The following WDR7 variants were observed in gnomAD, a reference collection of about 807,000 sequenced individuals.
WDR7 encodes the protein WD repeat domain 7, also known as WD repeat-containing protein 7.
A neutral mutation model predicts 169.4 loss-of-function variants in WDR7; 46 were observed. The ratio of observed to expected loss-of-function variants is 0.27; its 90% CI spans 0.21 to 0.35. The LOEUF (loss-of-function observed/expected upper bound fraction) is 0.35. Ranked by LOEUF, WDR7 falls within the 10% of genes least tolerant of loss-of-function variation. WDR7 has a pLI of 1.00. For synonymous variants in WDR7, 612 were observed against 666.8 expected (o/e 0.92, Z 1.27); for missense variants, 1,534 against 1,859.3 (o/e 0.83, Z 3.22).
At chr18:56,792,765 AACACAC>A (rs10551903) in intron 19 of WDR7, among the ~76,000 whole-genome samples, 23 of 147,776 alleles carry the variant, frequency 1.6e-4, no homozygotes, top group South Asian at 1.3e-3. Flanking sequence ...TATTTTCTTT[AACACAC>A]ACACACACAC....
Position 56,756,781 on chromosome 18 carries a change from G to A in WDR7, c.2188G>A (p.Gly730Arg), listed in dbSNP as rs748522317. The change falls in exon 15 of 28, where the codon GGG (glycine) becomes AGG (arginine). Residue 730 changes from glycine to arginine, a missense_variant. By Grantham distance (125) the Gly-to-Arg change is moderately radical. Transcript: ENST00000254442. ...AAAAGCATCTGGCAGTTCAGACAAA[G>A]GGGGCTCTTTTTTAACTGGAAAACG... ...LQKASGSSDK[G>R]GSFLTGKRAA... The A allele has an allele frequency of 2.5e-6, 4 of 1,613,964 alleles. No homozygotes were observed. The Admixed American group carries it at 6.7e-5, about 27-fold the overall frequency.
At chr18:56,671,097 G>T (rs2025123813) in intron 1 of WDR7, among the ~76,000 whole-genome samples, 1 of 152,100 alleles carries the variant, frequency 6.6e-6, no homozygotes, top group African/African-American at 2.4e-5. Flanking sequence ...GGATGCTCTG[G>T]TTAATCTATT....
At chr18:56,870,746 C>T (rs1011771951) in intron 20 of WDR7, among the ~76,000 whole-genome samples, 1 of 152,138 alleles carries the variant, frequency 6.6e-6, no homozygotes, top group Non-Finnish European at 1.5e-5. Context: ...CCTCAGCTTC[C>T]AAAGTACTGG....
chr18:56,897,938 C>A (rs1223235131), intron 21 of WDR7, among the ~76,000 whole-genome samples: 1 of 151,886 alleles, frequency 6.6e-6, no homozygotes, highest in Non-Finnish European at 1.5e-5. Context: ...CTACCTCTGG[C>A]CACTGAGAGG....
intron 26 of WDR7, among the ~76,000 whole-genome samples, chr18:57,019,275 G>A (rs1046871983): frequency 7.2e-5 from 11 of 152,142 alleles, no homozygotes; most frequent in Admixed American, 2.0e-4. Flanking sequence ...GCCATGCATT[G>A]TGCAGAACGC....
intron 19 of WDR7, among the ~76,000 whole-genome samples, chr18:56,783,190 A>G (rs998699207): frequency 3.3e-5 from 5 of 151,392 alleles, no homozygotes; most frequent in African/African-American, 9.7e-5. Context: ...ATCTAGACAT[A>G]TAGACTCTAA....
intron 26 of WDR7, among the ~76,000 whole-genome samples, chr18:57,012,919 T>C (rs1426610935): frequency 6.6e-6 from 1 of 152,216 alleles, no homozygotes; most frequent in Non-Finnish European, 1.5e-5. Flanking sequence ...TGGGTTGATA[T>C]GTAAAGATTA....
At chr18:56,879,104 G>A (rs1392908566) in intron 20 of WDR7, among the ~76,000 whole-genome samples, 1 of 152,190 alleles carries the variant, frequency 6.6e-6, no homozygotes, top group Non-Finnish European at 1.5e-5. Flanking sequence ...ATGTCTTTGT[G>A]TGTACATGTG....
At chr18:56,928,342 G>C (rs144835200) in intron 22 of WDR7, among the ~76,000 whole-genome samples, 2 of 152,258 alleles carry the variant, frequency 1.3e-5, no homozygotes, top group Non-Finnish European at 2.9e-5. Flanking sequence ...CCGTGTACCT[G>C]TAGTCCCAGC....
chr18:57,013,139 G>A (rs1391251625), intron 26 of WDR7, among the ~76,000 whole-genome samples: 1 of 152,062 alleles, frequency 6.6e-6, no homozygotes, highest in Non-Finnish European at 1.5e-5. Context: ...AGATCATCAG[G>A]CATTAGTTAG....
chr18:56,935,833 C>G lies in WDR7; in HGVS notation c.3759C>G (p.Arg1253=). The change falls in exon 23 of 28, where the codon CGC becomes CGG. Residue 1253 remains arginine, a synonymous_variant. Transcript: ENST00000254442. ...LPLSPAADSA[R]SARHALSLIA... The stretch of plus-strand genomic sequence containing the variant: ...TGAGCCCAGCAGCTGACTCGGCCCG[C>G]TCTGCGAGGCATGCCCTCTCGCTCA... 1 of 1,614,194 alleles carries G rather than the reference C, an allele frequency of 6.2e-7. No individual in the cohort carries two copies.
intron 22 of WDR7, among the ~76,000 whole-genome samples, chr18:56,931,141 A>G (rs1055188625): frequency 5.3e-5 from 8 of 152,068 alleles, no homozygotes; most frequent in African/African-American, 1.4e-4. Flanking sequence ...TTTTTAGAAT[A>G]AAGAGAACCG....
intron 7 of WDR7, among the ~76,000 whole-genome samples, chr18:56,688,929 G>A (rs2025506321): frequency 6.6e-6 from 1 of 152,182 alleles, no homozygotes; most frequent in East Asian, 1.9e-4. Flanking sequence ...CGTAGTCAGA[G>A]GAGATAATTA....
intron 20 of WDR7, among the ~76,000 whole-genome samples, chr18:56,822,431 T>A (rs1049937563): frequency 6.6e-6 from 1 of 152,206 alleles, no homozygotes; most frequent in African/African-American, 2.4e-5. Flanking sequence ...TTACTGAAGG[T>A]CCTATTCATA....
chr18:56,673,694 A>G (rs985168529), intron 2 of WDR7, among the ~76,000 whole-genome samples: 21 of 151,924 alleles, frequency 1.4e-4, no homozygotes, highest in African/African-American at 5.1e-4. Context: ...AACTAGCCGG[A>G]CGTGGTGGTG....
At chr18:56,737,755 G>A (rs1049437043) in intron 14 of WDR7, among the ~76,000 whole-genome samples, 2 of 152,156 alleles carry the variant, frequency 1.3e-5, no homozygotes, top group Admixed American at 6.5e-5. Flanking sequence ...ATGATTCACT[G>A]TGAAAAGGGC....
At chr18:56,805,710 A>G (rs12327147) in intron 19 of WDR7, among the ~76,000 whole-genome samples, 20,873 of 151,214 alleles carry the variant, frequency 0.14, 2,292 homozygotes, top group African/African-American at 0.31. Context: ...ATTTACTTTC[A>G]TTGCATAGTC....
In WDR7 at chr18:56,810,984, C is replaced by T. The variant is rs552792796; in HGVS notation, c.3191-5047C>T. ...AGCCCTAGGCCAATCTACACATTTA[C>T]TTTCTGTCTCCATAGGTTTGCTTCT... is the stretch of plus-strand genomic sequence containing the variant. On this transcript the variant is annotated intron_variant, in intron 19 of 27. Coordinates refer to ENST00000254442, the MANE Select transcript of WDR7 (RefSeq NM_015285.3). Among the ~76,000 whole-genome samples, 10 of 152,256 alleles carry T rather than the reference C, an allele frequency of 6.6e-5. No individual in the cohort carries two copies. The South Asian group carries it at 1.9e-3, about 28-fold the overall frequency.
chr18:56,727,561 A>G (rs1276169981), intron 13 of WDR7, among the ~76,000 whole-genome samples: 3 of 152,198 alleles, frequency 2.0e-5, no homozygotes, highest in Non-Finnish European at 4.4e-5. Flanking sequence ...AGCCCCTTGT[A>G]AAATCATCAG....
Sources: gnomAD v4.1 joint callset for allele counts (sites outside exome capture counted in the v4.1 genomes callset) on GRCh38, gnomAD v4.1.1 for gene constraint, MANE v1.5 for transcripts, NCBI Gene and HGNC (gene_info 2026-07-23, HGNC 2026-07-21) for gene names.